TAFA4: variants seen among roughly 807,000 people sequenced by gnomAD.
TAFA4 encodes the protein chemokine-like protein TAFA-4.
In TAFA4, 20 loss-of-function variants were observed where a neutral mutation model predicts 21.1. The observed-to-expected ratio is 0.95, with a 90% CI of 0.67 to 1.38. The LOEUF (loss-of-function observed/expected upper bound fraction) is 1.38. TAFA4 is among the 40% of genes most tolerant of loss of function. The probability of loss-of-function intolerance (pLI) is 0.00; values close to 1 mark genes in which losing one functional copy is unlikely to be tolerated. For synonymous variants in TAFA4, 71 were observed against 67.4 expected (o/e 1.05, Z -0.26); for missense variants, 211 against 180.9 (o/e 1.17, Z -0.95).
At chr3:68,888,370 T>C (rs2089695287) in intron 1 of TAFA4, among the ~76,000 whole-genome samples, 1 of 152,130 alleles carries the variant, frequency 6.6e-6, no homozygotes, top group Non-Finnish European at 1.5e-5. Flanking sequence ...AGTCTCAGAC[T>C]TTCCCTACAG....
At chr3:68,922,755 C>T (rs1431194815) in intron 1 of TAFA4, among the ~76,000 whole-genome samples, 1 of 152,196 alleles carries the variant, frequency 6.6e-6, no homozygotes, top group Non-Finnish European at 1.5e-5. Flanking sequence ...ATGACCTTAA[C>T]TTTCAGTCTT....
At chr3:68,766,180 C>A (rs1702851064) in intron 3 of TAFA4, among the ~76,000 whole-genome samples, 1 of 152,058 alleles carries the variant, frequency 6.6e-6, no homozygotes, top group Non-Finnish European at 1.5e-5. Context: ...TTAGCACTTA[C>A]AATATGCCAG....
intron 1 of TAFA4, among the ~76,000 whole-genome samples, chr3:68,924,342 T>C (rs976458594): frequency 1.3e-5 from 2 of 152,218 alleles, no homozygotes; most frequent in Admixed American, 6.5e-5. Flanking sequence ...TGGATGAACC[T>C]TGAAGACATT....
intron 3 of TAFA4, among the ~76,000 whole-genome samples, chr3:68,873,877 C>T (rs1477819490): frequency 1.3e-5 from 2 of 152,148 alleles, no homozygotes; most frequent in Non-Finnish European, 2.9e-5. Flanking sequence ...CTGAAATCTC[C>T]CACACCCTTG....
intron 5 of TAFA4, among the ~76,000 whole-genome samples, chr3:68,737,202 A>G (rs1702256972): frequency 6.6e-6 from 1 of 152,178 alleles, no homozygotes; most frequent in East Asian, 1.9e-4. Flanking sequence ...TGGATGTAAT[A>G]CCCTAATTCG....
intron 3 of TAFA4, among the ~76,000 whole-genome samples, chr3:68,794,310 C>G (rs1489999): frequency 0.043 from 6,619 of 152,174 alleles, 382 homozygotes; most frequent in East Asian, 0.25. Flanking sequence ...GTTTTCTACT[C>G]TGGCTGTTTT....
In TAFA4 at chr3:68,764,658, T is replaced by C. The variant is rs968982379; in HGVS notation, c.131-11640A>G. 1.3e-4 allele frequency among the ~76,000 whole-genome samples: 20 copies of C among 152,186 alleles called. 1 individual carries two copies. Among genetic ancestry groups the C allele is most frequent in the Admixed American group, 1.1e-3 (17 of 15,284 alleles). On this transcript the variant is annotated intron_variant, in intron 3 of 5. Coordinates refer to ENST00000295569, the MANE Select transcript of TAFA4 (RefSeq NM_182522.5). ...GGAAATATCATGACTCTCATCCCTGTTGCAATGGACTGTACTGGGCACTCC... is the reference window on the plus strand; with the variant it reads ...GGAAATATCATGACTCTCATCCCTGCTGCAATGGACTGTACTGGGCACTCC...
At chr3:68,848,353 T>TA (rs1704859188) in intron 3 of TAFA4, among the ~76,000 whole-genome samples, 1 of 152,254 alleles carries the variant, frequency 6.6e-6, no homozygotes, top group African/African-American at 2.4e-5. Context: ...GTGTCTTCTC[T>TA]GCTCTCAGAT....
At chr3:68,827,594 G>A (rs539644124) in intron 3 of TAFA4, among the ~76,000 whole-genome samples, 2 of 152,240 alleles carry the variant, frequency 1.3e-5, no homozygotes, top group Non-Finnish European at 2.9e-5. Flanking sequence ...GGCAAGAGAT[G>A]GTATCTCATT....
Position 68,752,849 on chromosome 3 carries a change from C to T in TAFA4, c.286+14G>A, listed in dbSNP as rs377213840. On this transcript the variant is annotated intron_variant, in intron 4 of 5. Coordinates refer to ENST00000295569, the MANE Select transcript of TAFA4 (RefSeq NM_182522.5). ...TTTTTGAAATACCAGAGATGCTGAC[C>T]AGAGAGGTCTTACCTTCAACACAAG... 5 of 1,613,868 alleles carry T rather than the reference C, an allele frequency of 3.1e-6. No individual in the cohort carries two copies. The African/African-American group carries it at 6.7e-5, about 22-fold the overall frequency.
chr3:68,786,973 G>T (rs984183190), intron 3 of TAFA4, among the ~76,000 whole-genome samples: 11 of 152,160 alleles, frequency 7.2e-5, no homozygotes, highest in African/African-American at 2.7e-4. Flanking sequence ...AATAAAAAGA[G>T]TCAGGAAAAA....
chr3:68,834,556 A>G (rs1252435937), intron 3 of TAFA4, among the ~76,000 whole-genome samples: 1 of 151,996 alleles, frequency 6.6e-6, no homozygotes, highest in East Asian at 1.9e-4. Context: ...CTTTTTTGAC[A>G]TCTCCATTTG....
intron 3 of TAFA4, among the ~76,000 whole-genome samples, chr3:68,793,974 T>C (rs1703411014): frequency 6.6e-6 from 1 of 152,340 alleles, no homozygotes; most frequent in East Asian, 1.9e-4. Context: ...CATTTAAAAG[T>C]GGACAGGTTG....
chr3:68,745,389 TGAG>T (rs1316739932), intron 4 of TAFA4, among the ~76,000 whole-genome samples: 5 of 152,202 alleles, frequency 3.3e-5, no homozygotes, highest in Middle Eastern at 3.2e-3. Flanking sequence ...ACACTTTAAA[TGAG>T]AAAGTGTCTT....
intron 3 of TAFA4, among the ~76,000 whole-genome samples, chr3:68,842,087 G>C (rs530008925): frequency 8.6e-4 from 131 of 152,272 alleles, no homozygotes; most frequent in Non-Finnish European, 1.5e-3. Flanking sequence ...GGGTCAAATG[G>C]TATTTCTGGT....
chr3:68,907,459 G>A (rs2089913374), intron 1 of TAFA4, among the ~76,000 whole-genome samples: 1 of 152,126 alleles, frequency 6.6e-6, no homozygotes, highest in African/African-American at 2.4e-5. Context: ...GCTACAAAAG[G>A]GCTATTTTTG....
chr3:68,739,672 C>T (rs980425179), intron 4 of TAFA4, among the ~76,000 whole-genome samples: 1 of 152,128 alleles, frequency 6.6e-6, no homozygotes, highest in Non-Finnish European at 1.5e-5. Flanking sequence ...TATAGATATG[C>T]TATCAAATAC....
intron 1 of TAFA4, among the ~76,000 whole-genome samples, chr3:68,903,216 AGGCTATAAAGC>A (rs1174902505): frequency 6.6e-6 from 1 of 152,136 alleles, no homozygotes; most frequent in African/African-American, 2.4e-5. Context: ...GCTTCAGCAT[AGGCTATAAAGC>A]AACTGCCAGC....
rs925113978 is a variant in TAFA4, at chr3:68,841,191, C to T, written c.130+39539G>A. ...ACAAAAAATTAGCCGGGCGTAGTGG[C>T]GCGCGCCTGTAGTCCCAGCTACTTG... On this transcript the variant is annotated intron_variant, in intron 3 of 5. Transcript: ENST00000295569. 4.0e-5 allele frequency among the ~76,000 whole-genome samples: 5 copies of T among 125,148 alleles called. 2 individuals carry two copies. The South Asian group carries it at 8.1e-4, about 20-fold the overall frequency. The allele number at this position is 125,148 out of a possible 152,430, so 82.1% of individuals were successfully genotyped here.
Sources: allele counts gnomAD v4.1 joint callset (sites outside exome capture counted in the v4.1 genomes callset), GRCh38; gene constraint gnomAD v4.1.1; transcripts MANE v1.5; gene names NCBI Gene and HGNC (gene_info 2026-07-23, HGNC 2026-07-21).